PIGQ: variants seen among roughly 807,000 people sequenced by gnomAD.
PIGQ encodes the protein phosphatidylinositol glycan anchor biosynthesis class Q, also known as phosphatidylinositol N-acetylglucosaminyltransferase subunit Q.
In PIGQ, 54 loss-of-function variants were observed where a neutral mutation model predicts 60.3. The ratio of observed to expected loss-of-function variants is 0.90; its 90% CI spans 0.72 to 1.12. The LOEUF (loss-of-function observed/expected upper bound fraction) is 1.12, where lower values mean the gene tolerates loss of function less well. PIGQ is among the 50% of genes most tolerant of loss of function. The pLI is 0.00. For synonymous variants in PIGQ, 416 were observed against 363.7 expected, an observed-to-expected ratio of 1.14 and a Z score of -1.64; for missense variants, 799 against 793.5, an observed-to-expected ratio of 1.01 and a Z score of -0.08.
At position 582,978 on chromosome 16, in the gene PIGQ, G is replaced by A; in HGVS notation, c.1689G>A (p.Lys563=). Residue 563 remains lysine, a synonymous_variant, in exon 11 of 11, where the codon AAG becomes AAA. Coordinates refer to ENST00000321878, the MANE Select transcript of PIGQ (RefSeq NM_004204.5). The part of the protein sequence containing the change: ...PKHSWGALCR[K]LFLGELIYPW... ...ACTCCTGGGGCGCCCTGTGCCGCAA[G>A]CTGTTCCTTGGGGAGCTCATCTACC... 6.2e-7 allele frequency: 1 copy of A among 1,613,118 alleles called. No homozygotes were observed. The highest frequency in any genetic ancestry group is 8.5e-7 in the Non-Finnish European group (1 of 1,179,976).
chr16:580,334 G>GCTCC, intron 8 of PIGQ, 71 bp downstream of exon 8: 1 of 1,244,720 alleles, frequency 8.0e-7, no homozygotes, highest in Non-Finnish European at 1.1e-6. Flanking sequence ...CTGCCTGGGA[G>GCTCC]CAGTCAGCTG....
Position 572,710 on chromosome 16 carries a change from C to T in PIGQ, c.-9-1356C>T, listed in dbSNP as rs146361203. 1,075 of 454,720 alleles carry T rather than the reference C, an allele frequency of 2.4e-3. 14 individuals carry two copies. The highest frequency in any genetic ancestry group is 0.02 in the African/African-American group (1,002 of 49,514). 28.2% of individuals were successfully genotyped at this position (454,720 alleles called of 1,614,324 possible). A position where few individuals can be genotyped will look rare whatever the true frequency, so the allele number is the denominator to read the frequency against. On this transcript the variant is annotated intron_variant, in intron 1 of 10. Coordinates refer to ENST00000321878, the MANE Select transcript of PIGQ (RefSeq NM_004204.5). Reference sequence around the variant, plus strand: ...TGGGCACTGGGACCTCCAGGCGTCCCGCTCTGTTCCCTCGTCCCTAAGGAT... The same window carrying T: ...TGGGCACTGGGACCTCCAGGCGTCCTGCTCTGTTCCCTCGTCCCTAAGGAT...
intron 7 of PIGQ, 76 bp from the exon 8 acceptor site, chr16:580,107 G>C (rs968019959): frequency 3.3e-5 from 37 of 1,110,508 alleles, no homozygotes; most frequent in Non-Finnish European, 4.5e-5. Flanking sequence ...GCTCCGGGAT[G>C]GGGGAGGGCA....
chr16:571,180 CGT>C (rs1166570136), intron 1 of PIGQ, among the ~76,000 whole-genome samples: 33 of 476 alleles, frequency 0.069, no homozygotes, highest in Non-Finnish European at 0.11. Context: ...GCCTGGCGCC[CGT>C]GTGTGTGTGT....
chr16:575,488 G>C (rs535219055), intron 2 of PIGQ, among the ~76,000 whole-genome samples: 1 of 152,194 alleles, frequency 6.6e-6, no homozygotes, highest in South Asian at 2.1e-4. Flanking sequence ...CAGCCCAGGA[G>C]ACCCCGGGCA....
At chr16:582,102 C>T (rs543147272) in intron 9 of PIGQ, 146 bp from the exon 10 acceptor site, 64 of 706,658 alleles carry the variant, frequency 9.1e-5, no homozygotes, top group South Asian at 6.3e-4. Context: ...AGGAGTTGGG[C>T]GACGGAGGGG....
At chr16:572,563 C>G (rs750838928) in intron 1 of PIGQ, 4 of 434,232 alleles carry the variant, frequency 9.2e-6, no homozygotes, top group African/African-American at 8.8e-5. Context: ...TCCCTCGTCC[C>G]TAAGGATGTG....
chr16:582,768 A>C, intron 10 of PIGQ, 115 bp from the exon 11 acceptor site: 1 of 1,150,840 alleles, frequency 8.7e-7, no homozygotes, highest in Admixed American at 2.2e-5. Context: ...CCCACAGGCA[A>C]GGGAATGTCT....
intron 10 of PIGQ, chr16:582,574 C>T (rs1340432853): frequency 3.5e-6 from 2 of 567,738 alleles, no homozygotes; most frequent in South Asian, 5.0e-5. Context: ...CCCTGGGCCC[C>T]ACAGGGCTCA....
chr16:577,405 G>C (rs192571737), intron 4 of PIGQ, among the ~76,000 whole-genome samples: 6 of 151,780 alleles, frequency 4.0e-5, no homozygotes, highest in Non-Finnish European at 7.4e-5. Context: ...GTGAAATCCC[G>C]TCTCTACTAA....
rs1201884934 is a variant in PIGQ, at chr16:569,990, G to A, written c.-116G>A. The A allele has an allele frequency of 1.3e-5, 2 of 149,196 alleles. No individual in the cohort carries two copies. The highest frequency in any genetic ancestry group is 4.9e-5 in the African/African-American group (2 of 41,134). The allele number at this position is 149,196 out of a possible 1,614,324, so 9.2% of individuals were successfully genotyped here. ...GGCGGAAGTGGGGCTCGGGTCCCGCGGCGGGGCTGGAGGCAGCGAGCGCCG... is the reference window on the plus strand; with the variant it reads ...GGCGGAAGTGGGGCTCGGGTCCCGCAGCGGGGCTGGAGGCAGCGAGCGCCG... On this transcript the variant is annotated 5_prime_UTR_variant, in exon 1 of 11. Transcript: ENST00000321878.
chr16:578,510 G>A lies in PIGQ; in HGVS notation c.1069+5G>A, dbSNP rs771087857. On this transcript the variant is annotated splice_donor_5th_base_variant and intron_variant, in intron 5 of 10. Coordinates refer to ENST00000321878, the MANE Select transcript of PIGQ (RefSeq NM_004204.5). The stretch of plus-strand genomic sequence containing the variant: ...ACCACATCCACCTGTGGATCAGTGA[G>A]TGCAGGGCAGGCGGGGGCCCCAGGG... 3 of 1,611,092 alleles carry A rather than the reference G, an allele frequency of 1.9e-6. No individual in the cohort carries two copies. Among genetic ancestry groups the A allele is most frequent in the South Asian group, 1.1e-5 (1 of 91,042 alleles).
intron 8 of PIGQ, 94 bp from the exon 9 acceptor site, chr16:580,764 C>T: frequency 1.3e-6 from 1 of 749,370 alleles, no homozygotes; most frequent in Non-Finnish European, 2.4e-6. Flanking sequence ...CCTGCAGCCT[C>T]TGGGCCCCCT....
rs1055232975 is a variant in PIGQ at position 580,239 on chromosome 16, C to T, written c.1392C>T (p.Ala464=). ...TILLFLLPTT[A]LYYLVFTLLR... is the part of the protein sequence containing the mutation. The stretch of plus-strand genomic sequence containing the variant: ...TGCTCTTCCTCCTGCCTACCACAGC[C>T]CTGTACTACCTGGTGTTCACCCTGG... Residue 464 remains alanine, a synonymous_variant, in exon 8 of 11, where the codon GCC becomes GCT. Coordinates refer to ENST00000321878, the MANE Select transcript of PIGQ (RefSeq NM_004204.5). 2.5e-6 allele frequency: 4 copies of T among 1,612,460 alleles called. No individual in the cohort carries two copies. In the African/African-American group the frequency reaches 4.0e-5, roughly 16 times the overall value.
rs369702712 is a variant in PIGQ, at chr16:580,921, C to T, written c.1480C>T (p.Leu494=). The T allele has an allele frequency of 6.2e-7, 1 of 1,610,552 alleles. No individual in the cohort carries two copies. Among genetic ancestry groups the T allele is most frequent in the African/African-American group, 1.3e-5 (1 of 74,932 alleles). Residue 494 remains leucine (L), a synonymous_variant, in exon 9 of 11, where the codon CTG becomes TTG. Transcript: ENST00000321878. ...IHLLVDLINS[L]PLYSLGLRLC... The stretch of plus-strand genomic sequence containing the variant: ...TCTGCTCGTGGACCTCATCAACTCC[C>T]TGCCGCTGTACTCACTGGGTCTTCG...
At chr16:570,455 GTGTT>G (rs1232361381) in intron 1 of PIGQ, 2 of 152,184 alleles carry the variant, frequency 1.3e-5, no homozygotes, top group African/African-American at 2.4e-5. Flanking sequence ...GGCTGAACTC[GTGTT>G]TGTTTTTCAT....
At chr16:576,032 C>G in intron 3 of PIGQ, 62 bp downstream of exon 3, 1 of 1,550,070 alleles carries the variant, frequency 6.5e-7, no homozygotes. Flanking sequence ...TTCTCCATCC[C>G]CCTCTGCACC....
chr16:581,095 G>T, intron 9 of PIGQ, 123 bp downstream of exon 9: 1 of 1,375,862 alleles, frequency 7.3e-7, no homozygotes, highest in East Asian at 2.4e-5. Flanking sequence ...TGGTATGCAT[G>T]CGCAAGCGGG....
At chr16:582,144 G>A (rs2035821447) in intron 9 of PIGQ, 104 bp from the exon 10 acceptor site, 6 of 849,368 alleles carry the variant, frequency 7.1e-6, no homozygotes, top group Non-Finnish European at 9.7e-6. Flanking sequence ...GCCACGGCCA[G>A]CAGCACCCGG....
Sources: allele counts gnomAD v4.1 joint callset (sites outside exome capture counted in the v4.1 genomes callset), GRCh38; gene constraint gnomAD v4.1.1; transcripts MANE v1.5; gene names NCBI Gene and HGNC (gene_info 2026-07-23, HGNC 2026-07-21).